IFTAP: variants seen among roughly 807,000 people sequenced by gnomAD.
IFTAP encodes the protein intraflagellar transport-associated protein.
A neutral mutation model predicts 19.4 loss-of-function variants in IFTAP; 19 were observed. The ratio of observed to expected loss-of-function variants is 0.98; its 90% CI spans 0.68 to 1.44. IFTAP has a LOEUF of 1.44. Ranked by LOEUF, IFTAP falls within the 40% of genes most tolerant of loss-of-function variation. The pLI, the probability that IFTAP is intolerant of heterozygous loss-of-function variation, is 0.00. For missense variants in IFTAP, 240 were observed against 253.6 expected (o/e 0.95, Z 0.36); for synonymous variants, 85 against 83.5 (o/e 1.02, Z -0.10).
chr11:36,633,321 T>C lies in IFTAP; in HGVS notation c.174T>C (p.Asp58=). 6.2e-7 allele frequency: 1 copy of C among 1,600,824 alleles called. No homozygotes were observed. The highest frequency in any genetic ancestry group is 8.5e-7 in the Non-Finnish European group (1 of 1,174,412). ...CCAAAAGGGGAGTGTTTGGAACTGA[T>C]TCTTCAGAAAACATTTTTACCTCAG... ...HVSKRGVFGT[D]SSENIFTSAK... The change falls in exon 3 of 6, where the codon GAT becomes GAC. Residue 58 remains aspartate (D), a synonymous_variant. Transcript: ENST00000334307.
rs531849170 is a variant in IFTAP at position 36,618,317 on chromosome 11, C to T, written c.136+8078C>T. Among the ~76,000 whole-genome samples, 3 of 152,060 alleles carry T rather than the reference C, an allele frequency of 2.0e-5. No homozygotes were observed. The South Asian group carries it at 6.2e-4, about 32-fold the overall frequency. ...TATGGTCCTAATCAGATTTCAAAGC[C>T]CACACCCTGAACCACTTTGTTCTCT... On this transcript the variant is annotated intron_variant, in intron 2 of 5. Transcript: ENST00000334307.
At chr11:36,609,430 A>T in intron 1 of IFTAP, among the ~76,000 whole-genome samples, 1 of 152,184 alleles carries the variant, frequency 6.6e-6, no homozygotes, top group East Asian at 1.9e-4. Flanking sequence ...TTTTTAACAG[A>T]GCTGTCCAAA....
intron 2 of IFTAP, among the ~76,000 whole-genome samples, chr11:36,619,723 T>C (rs151049419): frequency 3.1e-4 from 47 of 152,154 alleles, no homozygotes; most frequent in African/African-American, 1.1e-3. Context: ...CAGGTGGCAC[T>C]GAAGCCACAT....
At chr11:36,596,443 C>T (rs1369994607) in intron 1 of IFTAP, among the ~76,000 whole-genome samples, 2 of 152,080 alleles carry the variant, frequency 1.3e-5, no homozygotes, top group Admixed American at 1.3e-4. Context: ...GTTGTATATT[C>T]AGCAAACTGC....
At chr11:36,621,982 T>C (rs992227017) in intron 2 of IFTAP, among the ~76,000 whole-genome samples, 4 of 151,980 alleles carry the variant, frequency 2.6e-5, no homozygotes, top group African/African-American at 4.8e-5. Flanking sequence ...CAGTTTTAGA[T>C]TGAATAAACA....
intron 1 of IFTAP, among the ~76,000 whole-genome samples, chr11:36,605,243 C>G (rs953846418): frequency 6.6e-6 from 1 of 151,738 alleles, no homozygotes; most frequent in Non-Finnish European, 1.5e-5. Context: ...TTTGATAGAC[C>G]TGCACAACTC....
At chr11:36,596,494 A>G (rs1465418031) in intron 1 of IFTAP, among the ~76,000 whole-genome samples, 1 of 152,194 alleles carries the variant, frequency 6.6e-6, no homozygotes, top group Non-Finnish European at 1.5e-5. Context: ...TATTTATATC[A>G]TGGCCTACCC....
chr11:36,640,171 C>T (rs1255099282), intron 4 of IFTAP, among the ~76,000 whole-genome samples: 1 of 152,112 alleles, frequency 6.6e-6, no homozygotes, highest in Non-Finnish European at 1.5e-5. Flanking sequence ...CTCAGAAACC[C>T]TAAGGTTGGC....
At chr11:36,654,017 A>G (rs1033600905) in intron 5 of IFTAP, among the ~76,000 whole-genome samples, 4 of 152,148 alleles carry the variant, frequency 2.6e-5, no homozygotes, top group African/African-American at 9.7e-5. Flanking sequence ...ATGAAACAAA[A>G]CAAGGAAAAC....
At chr11:36,656,187 T>C (rs1431694324) in intron 5 of IFTAP, among the ~76,000 whole-genome samples, 1 of 152,146 alleles carries the variant, frequency 6.6e-6, no homozygotes, top group Non-Finnish European at 1.5e-5. Context: ...CAGGCCTTAC[T>C]TTATCTGGGT....
chr11:36,656,353 T>G (rs1417558563), intron 5 of IFTAP, among the ~76,000 whole-genome samples: 5 of 152,114 alleles, frequency 3.3e-5, no homozygotes. Context: ...GTGGATCACT[T>G]GAGGCCAGGA....
intron 1 of IFTAP, among the ~76,000 whole-genome samples, chr11:36,603,280 G>A (rs1225288657): frequency 1.3e-5 from 2 of 152,176 alleles, no homozygotes; most frequent in African/African-American, 4.8e-5. Flanking sequence ...TTCTGTTTAT[G>A]CATGTAATAT....
intron 4 of IFTAP, among the ~76,000 whole-genome samples, chr11:36,641,532 G>A (rs910561252): frequency 1.3e-5 from 2 of 152,228 alleles, no homozygotes; most frequent in Non-Finnish European, 2.9e-5. Flanking sequence ...TTGTTATGTA[G>A]CCAGTACTCA....
chr11:36,600,847 T>C (rs1017491882), intron 1 of IFTAP, among the ~76,000 whole-genome samples: 8 of 152,042 alleles, frequency 5.3e-5, no homozygotes, highest in African/African-American at 1.9e-4. Flanking sequence ...GGCCTAGTAA[T>C]TGGACAAAAA....
At chr11:36,638,632 C>A (rs1004503954) in intron 4 of IFTAP, among the ~76,000 whole-genome samples, 2 of 152,184 alleles carry the variant, frequency 1.3e-5, no homozygotes, top group African/African-American at 4.8e-5. Context: ...GGAATGTGAG[C>A]AGAAGGCAAA....
chr11:36,658,924 G>T, intron 5 of IFTAP, 95 bp from the exon 6 acceptor site: 1 of 906,476 alleles, frequency 1.1e-6, no homozygotes, highest in Non-Finnish European at 1.6e-6. Context: ...TCTGAAAAAA[G>T]GTTTAATTAA....
chr11:36,653,251 T>C (rs1165989819), intron 5 of IFTAP, among the ~76,000 whole-genome samples: 1 of 152,176 alleles, frequency 6.6e-6, no homozygotes, highest in Non-Finnish European at 1.5e-5. Context: ...ACAGTGTCTC[T>C]GTTAGAATAA....
chr11:36,646,044 G>A (rs530266849), intron 4 of IFTAP, among the ~76,000 whole-genome samples: 16 of 152,296 alleles, frequency 1.1e-4, no homozygotes, highest in African/African-American at 3.6e-4. Context: ...GGAGAATACT[G>A]AGTCTTGTTA....
chr11:36,635,328 T>A (rs534949230), intron 3 of IFTAP, among the ~76,000 whole-genome samples: 1 of 152,362 alleles, frequency 6.6e-6, no homozygotes, highest in Non-Finnish European at 1.5e-5. Flanking sequence ...TCACTTGAGA[T>A]GAATTAGTTC....
Sources: allele counts gnomAD v4.1 joint callset (sites outside exome capture counted in the v4.1 genomes callset), GRCh38; gene constraint gnomAD v4.1.1; transcripts MANE v1.5; gene names NCBI Gene and HGNC (gene_info 2026-07-23, HGNC 2026-07-21).